LYST: variants seen among roughly 807,000 people sequenced by gnomAD.
LYST encodes lysosomal-trafficking regulator.
A neutral mutation model predicts 413.6 loss-of-function variants in LYST; 192 were observed. The ratio of observed to expected loss-of-function variants is 0.46; its 90% confidence interval spans 0.41 to 0.52. The LOEUF (loss-of-function observed/expected upper bound fraction) is 0.52. Among genes scored for constraint, LYST ranks in the 20% least tolerant of loss-of-function variants. The pLI, the probability that LYST is intolerant of heterozygous loss-of-function variation, is 0.00. For synonymous variants in LYST, 1,525 were observed against 1,567.3 expected (o/e 0.97, Z 0.64); for missense variants, 3,815 against 4,499.9 (o/e 0.85, Z 4.35).
intron 10 of LYST, among the ~76,000 whole-genome samples, chr1:235,795,360 C>G (rs1028818394): frequency 6.6e-6 from 1 of 152,122 alleles, no homozygotes; most frequent in Admixed American, 6.5e-5. Flanking sequence ...AGTCTGCAGA[C>G]TGAACAAACT....
At chr1:235,832,243 G>A (rs1310747380) in intron 2 of LYST, among the ~76,000 whole-genome samples, 1 of 152,200 alleles carries the variant, frequency 6.6e-6, no homozygotes, top group Non-Finnish European at 1.5e-5. Flanking sequence ...ATGATCAAGT[G>A]CACTCATGTG....
Position 235,810,503 on chromosome 1 carries a change from G to A in LYST, c.315C>T (p.Ile105=). ...AACTTGAGTTCTTTTCTTTGGTCAG[G>A]ATTATATCTGCTGAGAGCGGTAGGT... ...DFNLPLSADI[I]LTKEKNSSSQ... The change falls in exon 5 of 53, where the codon ATC becomes ATT. Residue 105 remains isoleucine, a synonymous_variant. Transcript: ENST00000389793. 6.2e-7 allele frequency: 1 copy of A among 1,612,666 alleles called. No homozygotes were observed. The highest frequency in any genetic ancestry group is 8.5e-7 in the Non-Finnish European group (1 of 1,179,806).
At chr1:235,791,434 A>G in intron 12 of LYST, 1 of 432,008 alleles carries the variant, frequency 2.3e-6, no homozygotes, top group East Asian at 5.0e-5. Flanking sequence ...CACATAAGGA[A>G]CTTTAGGGGC....
chr1:235,717,166 C>T (rs971075631), intron 40 of LYST, among the ~76,000 whole-genome samples: 6 of 152,052 alleles, frequency 3.9e-5, no homozygotes, highest in South Asian at 4.2e-4. Flanking sequence ...TCCAGTTAGG[C>T]GGTGTAGAAT....
In LYST at chr1:235,863,965, A is replaced by T. The variant is rs73108857; in HGVS notation, c.-98+2878T>A. 1.5e-3 allele frequency among the ~76,000 whole-genome samples: 235 copies of T among 152,318 alleles called. 2 individuals are homozygous for T. The highest frequency in any genetic ancestry group is 5.4e-3 in the African/African-American group (226 of 41,570). Reference sequence around the variant, plus strand: ...AGCATAACATCCTGGATATCTAATCATCCTAAATATCTGATCAGGTTCCTC... The same window carrying T: ...AGCATAACATCCTGGATATCTAATCTTCCTAAATATCTGATCAGGTTCCTC... On this transcript the variant is annotated intron_variant, in intron 1 of 52. Transcript: ENST00000389793.
At chr1:235,741,313 A>G (rs1013569111) in intron 31 of LYST, 109 bp downstream of exon 31, 10 of 998,194 alleles carry the variant, frequency 1.0e-5, no homozygotes, top group South Asian at 6.6e-5. Flanking sequence ...TAAGAAAATT[A>G]TATTTATAAA....
chr1:235,747,377 C>G (rs889890870), intron 28 of LYST: 11 of 317,908 alleles, frequency 3.5e-5, no homozygotes, highest in African/African-American at 2.4e-4. Context: ...TATAAATAAC[C>G]TCTACAAAAA....
At chr1:235,749,422 T>C (rs1666251844) in intron 28 of LYST, among the ~76,000 whole-genome samples, 1 of 151,916 alleles carries the variant, frequency 6.6e-6, no homozygotes, top group Non-Finnish European at 1.5e-5. Context: ...GAAGGATTCT[T>C]GAGAGAGACT....
intron 3 of LYST, chr1:235,827,942 A>G: frequency 2.1e-6 from 1 of 472,148 alleles, no homozygotes. Flanking sequence ...AAATAACCTG[A>G]CCTTAAAAAT....
chr1:235,781,443 A>G (rs1212851919), intron 15 of LYST, among the ~76,000 whole-genome samples: 4 of 152,110 alleles, frequency 2.6e-5, no homozygotes, highest in Non-Finnish European at 5.9e-5. Flanking sequence ...TATTTAGTCA[A>G]TAAACACTGT....
intron 47 of LYST, among the ~76,000 whole-genome samples, chr1:235,692,618 A>T (rs182365403): frequency 7.2e-4 from 110 of 151,988 alleles, no homozygotes; most frequent in Middle Eastern, 3.4e-3. Flanking sequence ...TCCTGACCTC[A>T]GGCGATCTGC....
chr1:235,835,889 TA>T (rs1293115995), intron 1 of LYST, among the ~76,000 whole-genome samples: 4 of 152,214 alleles, frequency 2.6e-5, no homozygotes, highest in Non-Finnish European at 5.9e-5. Flanking sequence ...CTTTCATAGC[TA>T]TAATGCCCAA....
In LYST at chr1:235,695,944, C is replaced by G. The variant is rs182708194; in HGVS notation, c.10564+1139G>C. 2.1e-3 allele frequency among the ~76,000 whole-genome samples: 320 copies of G among 152,156 alleles called. 2 individuals carry two copies. Among genetic ancestry groups the G allele is most frequent in the Middle Eastern group, 6.8e-3 (2 of 294 alleles). ...GCCACCGCACCCAGCCTACTGTACT[C>G]TAATTTTTTAAAGGTAAATAATTCA... On this transcript the variant is annotated intron_variant, in intron 46 of 52. Coordinates refer to ENST00000389793, the MANE Select transcript of LYST (RefSeq NM_000081.4).
At chr1:235,702,516 C>A (rs980853839) in intron 45 of LYST, among the ~76,000 whole-genome samples, 1 of 152,192 alleles carries the variant, frequency 6.6e-6, no homozygotes, top group Non-Finnish European at 1.5e-5. Context: ...GGGAGGTTAC[C>A]GTCTGAAACG....
intron 20 of LYST, among the ~76,000 whole-genome samples, chr1:235,768,595 T>C (rs1277413506): frequency 6.6e-6 from 1 of 152,084 alleles, no homozygotes; most frequent in Non-Finnish European, 1.5e-5. Context: ...GGTAAAGAAC[T>C]ATACATGTAA....
intron 3 of LYST, among the ~76,000 whole-genome samples, chr1:235,821,084 A>T (rs943992465): frequency 1.3e-5 from 2 of 152,226 alleles, no homozygotes; most frequent in East Asian, 3.8e-4. Flanking sequence ...CATAATATCA[A>T]ATGGAAATAG....
chr1:235,722,911 T>A (rs950155056), intron 39 of LYST, among the ~76,000 whole-genome samples: 1 of 152,204 alleles, frequency 6.6e-6, no homozygotes, highest in African/African-American at 2.4e-5. Context: ...AATATGGCAA[T>A]TTTTATTTGA....
chr1:235,826,867 G>A (rs979936986), intron 3 of LYST, among the ~76,000 whole-genome samples: 1 of 151,868 alleles, frequency 6.6e-6, no homozygotes, highest in African/African-American at 2.4e-5. Context: ...TTTTTTTGTA[G>A]AGATGGGGTT....
Position 235,810,363 on chromosome 1 carries a change from C to T in LYST, c.455G>A (p.Arg152His), listed in dbSNP as rs773280934. The T allele has an allele frequency of 1.1e-5, 18 of 1,613,862 alleles. No individual in the cohort carries two copies. The highest frequency in any genetic ancestry group is 3.3e-4 in the Middle Eastern group (2 of 6,058). ...CTTTCTTGCATCTCTTACAGAATAG[C>T]GATGGGTAATTTTACGCTGTCGTCT... ...KSRRQRKITH[R>H]YSVRDARKTQ... is the part of the protein sequence containing the mutation. The change falls in exon 5 of 53, where the codon CGC (arginine) becomes CAC (histidine). Residue 152 changes from arginine (R) to histidine (H), a missense_variant. Coordinates refer to ENST00000389793, the MANE Select transcript of LYST (RefSeq NM_000081.4).
Sources: gnomAD v4.1 joint callset for allele counts (sites outside exome capture counted in the v4.1 genomes callset) on GRCh38, gnomAD v4.1.1 for gene constraint, MANE v1.5 for transcripts, NCBI Gene and HGNC (gene_info 2026-07-23, HGNC 2026-07-21) for gene names.